GRIP1: variants seen among roughly 807,000 people sequenced by gnomAD.
The protein encoded by GRIP1 is glutamate receptor interacting protein 1, also known as glutamate receptor-interacting protein 1.
A neutral mutation model predicts 129.9 loss-of-function variants in GRIP1; 45 were observed. The observed-to-expected ratio is 0.35, with a 90% CI of 0.27 to 0.44. GRIP1 has a LOEUF of 0.44. Ranked by LOEUF, GRIP1 falls within the 20% of genes least tolerant of loss-of-function variation. GRIP1 has a pLI of 1.00. For missense variants in GRIP1, 1,196 were observed against 1,396.8 expected (o/e 0.86, Z 2.29); for synonymous variants, 530 against 520.8 (o/e 1.02, Z -0.24).
intron 11 of GRIP1, among the ~76,000 whole-genome samples, chr12:66,450,290 T>C (rs545277383): frequency 5.5e-4 from 57 of 103,840 alleles, no homozygotes; most frequent in African/African-American, 2.0e-3. Flanking sequence ...GGTGACAGAG[T>C]GAGACTCCAT....
intron 1 of GRIP1, among the ~76,000 whole-genome samples, chr12:66,661,547 C>G (rs753206854): frequency 1.3e-5 from 2 of 151,280 alleles, no homozygotes; most frequent in Non-Finnish European, 2.9e-5. Flanking sequence ...GAAGTCCTGT[C>G]TAGAGAATTT....
intron 7 of GRIP1, among the ~76,000 whole-genome samples, chr12:66,474,180 G>A (rs150461606): frequency 6.4e-4 from 98 of 152,042 alleles, no homozygotes; most frequent in Admixed American, 1.4e-3. Flanking sequence ...ACTTTGTGAA[G>A]CATACGGAAG....
intron 14 of GRIP1, among the ~76,000 whole-genome samples, chr12:66,431,967 G>C (rs561259574): frequency 1.4e-3 from 209 of 152,306 alleles, no homozygotes; most frequent in African/African-American, 4.8e-3. Context: ...TAAAGTAAGA[G>C]ACATTGTTTT....
chr12:66,529,677 T>A (rs957978987), intron 5 of GRIP1, among the ~76,000 whole-genome samples, 154 bp downstream of exon 5: 6 of 152,198 alleles, frequency 3.9e-5, no homozygotes, highest in Admixed American at 3.3e-4. Flanking sequence ...ACAAATTGGG[T>A]TCAGTGTATA....
At chr12:66,762,030 A>G (rs755761847) in intron 1 of GRIP1, among the ~76,000 whole-genome samples, 37 of 152,308 alleles carry the variant, frequency 2.4e-4, no homozygotes, top group Non-Finnish European at 4.7e-4. Flanking sequence ...CCTCAGAGTT[A>G]TTAAGAAAAA....
intron 1 of GRIP1, among the ~76,000 whole-genome samples, chr12:66,835,994 A>C (rs1342136341): frequency 1.3e-5 from 2 of 152,168 alleles, no homozygotes; most frequent in Non-Finnish European, 2.9e-5. Context: ...AACTCTCTCT[A>C]TACCTTCCAC....
At chr12:66,578,456 T>C (rs1007413075) in intron 2 of GRIP1, among the ~76,000 whole-genome samples, 7 of 152,124 alleles carry the variant, frequency 4.6e-5, no homozygotes, top group African/African-American at 9.7e-5. Flanking sequence ...GGGCGAGGCA[T>C]TGCCTCACTC....
chr12:66,925,100 G>C (rs2041275380), intron 1 of GRIP1, among the ~76,000 whole-genome samples: 1 of 152,216 alleles, frequency 6.6e-6, no homozygotes, highest in Admixed American at 6.5e-5. Flanking sequence ...TGGGGCACTT[G>C]AGATAAGATT....
intron 9 of GRIP1, among the ~76,000 whole-genome samples, chr12:66,460,710 G>C (rs1415558030): frequency 6.6e-6 from 1 of 152,164 alleles, no homozygotes; most frequent in Non-Finnish European, 1.5e-5. Flanking sequence ...CTGGAAATTT[G>C]GGAAGTGTGT....
intron 1 of GRIP1, among the ~76,000 whole-genome samples, chr12:66,887,375 G>A (rs537352700): frequency 1.9e-4 from 29 of 152,270 alleles, no homozygotes; most frequent in South Asian, 8.3e-4. Flanking sequence ...AACGTCCTCA[G>A]GGGTAAAATG....
In GRIP1 at chr12:66,405,287, C is replaced by T. The variant is rs1367397226; in HGVS notation, c.1984+996G>A. On this transcript the variant is annotated intron_variant, in intron 16 of 24. Transcript: ENST00000359742. ...AGCAGAACCATATTAATAGGAAAGG[C>T]CTTGACTTTACCCACGAGATTGGCA... is the stretch of plus-strand genomic sequence containing the variant. Among the ~76,000 whole-genome samples, 5 of 152,086 alleles carry T rather than the reference C, an allele frequency of 3.3e-5. No individual in the cohort carries two copies. The East Asian group carries it at 5.8e-4, about 18-fold the overall frequency.
intron 11 of GRIP1, among the ~76,000 whole-genome samples, chr12:66,449,379 G>A (rs2058713291): frequency 6.6e-6 from 1 of 152,118 alleles, no homozygotes; most frequent in Non-Finnish European, 1.5e-5. Flanking sequence ...ATTCTTCAGG[G>A]CCCAGGTAAT....
intron 2 of GRIP1, among the ~76,000 whole-genome samples, chr12:66,557,826 G>C (rs538565014): frequency 1.3e-5 from 2 of 152,220 alleles, no homozygotes; most frequent in African/African-American, 4.8e-5. Flanking sequence ...GCAGCACTAA[G>C]AGGGAAGTTA....
intron 1 of GRIP1, among the ~76,000 whole-genome samples, chr12:66,698,064 A>G (rs904776766): frequency 6.6e-6 from 1 of 152,188 alleles, no homozygotes; most frequent in African/African-American, 2.4e-5. Context: ...GTAGAAAGCA[A>G]TATGCTTTCT....
At chr12:66,946,605 T>C (rs1052066114) in intron 1 of GRIP1, among the ~76,000 whole-genome samples, 2 of 151,660 alleles carry the variant, frequency 1.3e-5, no homozygotes, top group African/African-American at 2.4e-5. Context: ...AAAACACAGA[T>C]TGCAGGGCCC....
intron 1 of GRIP1, among the ~76,000 whole-genome samples, chr12:67,053,854 A>G (rs1440814438): frequency 6.6e-6 from 1 of 151,776 alleles, no homozygotes; most frequent in East Asian, 1.9e-4. Flanking sequence ...AAAAAAATAA[A>G]TATAAATAAA....
At chr12:66,685,324 CT>C (rs1020244592) in intron 1 of GRIP1, among the ~76,000 whole-genome samples, 14 of 150,476 alleles carry the variant, frequency 9.3e-5, no homozygotes, top group South Asian at 2.1e-4. Flanking sequence ...AAATTTTGTT[CT>C]TTTTTTTTAA....
intron 1 of GRIP1, among the ~76,000 whole-genome samples, chr12:66,888,002 T>C (rs2137219279): frequency 6.6e-6 from 1 of 152,298 alleles, no homozygotes; most frequent in Admixed American, 6.5e-5. Context: ...CCGGTGATTC[T>C]GATTCAACTG....
At chr12:66,666,751 T>G (rs1202292354) in intron 1 of GRIP1, among the ~76,000 whole-genome samples, 1 of 152,192 alleles carries the variant, frequency 6.6e-6, no homozygotes, top group Non-Finnish European at 1.5e-5. Context: ...TCCAGTCATT[T>G]TTTTTCTAAG....
Sources: gnomAD v4.1 joint callset for allele counts (sites outside exome capture counted in the v4.1 genomes callset) on GRCh38, gnomAD v4.1.1 for gene constraint, MANE v1.5 for transcripts, NCBI Gene and HGNC (gene_info 2026-07-23, HGNC 2026-07-21) for gene names.